CPOX: variants seen among roughly 807,000 people sequenced by gnomAD.
The protein encoded by CPOX is oxygen-dependent coproporphyrinogen-III oxidase, mitochondrial.
Under a neutral mutation model 48.9 loss-of-function variants are expected in CPOX, and 24 were observed. That is an observed-to-expected ratio of 0.49 (90% CI 0.36 to 0.69). The LOEUF (loss-of-function observed/expected upper bound fraction) is 0.69. CPOX is among the 30% of genes least tolerant of loss of function. The pLI, the probability that CPOX is intolerant of heterozygous loss-of-function variation, is 0.00. For synonymous variants in CPOX, 249 were observed against 234.6 expected (o/e 1.06, Z -0.56); for missense variants, 549 against 597.3 (o/e 0.92, Z 0.84).
intron 4 of CPOX, chr3:98,585,965 C>T (rs1215619028): frequency 2.0e-5 from 7 of 350,484 alleles, no homozygotes; most frequent in Admixed American, 7.7e-5. Context: ...CTCCGCCTCC[C>T]GGGTTCACGC....
downstream of CPOX, chr3:98,579,306 A>G (rs866149655): frequency 3.5e-5 from 6 of 169,692 alleles, no homozygotes; most frequent in African/African-American, 1.4e-4. Context: ...GGGAGAGTCA[A>G]AAGTTATACA....
intron 2 of CPOX, 111 bp downstream of exon 2, chr3:98,590,901 T>C (rs1041002567): frequency 6.6e-6 from 9 of 1,363,122 alleles, no homozygotes; most frequent in South Asian, 1.2e-5. Context: ...ACGTGCGGCA[T>C]ATGAACCCGA....
chr3:98,591,258 A>G, intron 1 of CPOX, 103 bp from the exon 2 acceptor site: 2 of 1,193,786 alleles, frequency 1.7e-6, no homozygotes, highest in Non-Finnish European at 2.5e-6. Context: ...CAAATCTTTT[A>G]TATCAGTGTA....
Position 98,593,341 on chromosome 3 carries a change from C to T in CPOX, c.164G>A (p.Gly55Asp). The T allele has an allele frequency of 2.2e-6, 3 of 1,351,356 alleles. No individual in the cohort carries two copies. Among genetic ancestry groups the T allele is most frequent in the South Asian group, 2.0e-5 (1 of 49,826 alleles). 83.7% of individuals were successfully genotyped at this position (1,351,356 alleles called of 1,614,324 possible). A position where few individuals can be genotyped will look rare whatever the true frequency, so the allele number is the denominator to read the frequency against. Residue 55 changes from glycine to aspartate, a missense_variant, in exon 1 of 7, where the codon GGC becomes GAC. Gly to Asp is a moderately conservative substitution (Grantham distance 94). Around this residue, in one of 2 missense-constraint regions of CPOX, gnomAD observed 336 missense variants for 318.1 expected, o/e 1.06. Transcript: ENST00000647941. ...CCCCAGCCCGCGGCTCTGCTCCGTG[C>T]CAGCCGGGCCAGGGGGCCGGCAGAC... ...GRVCRPPGPA[G>D]TEQSRGLGHG...
At position 98,583,167 on chromosome 3, in the gene CPOX, T is replaced by C. The variant is rs74598065; in HGVS notation, c.1173-1656A>G. ...ATTTTCTGTTGGATCCTTTCCTTTA[T>C]TGCGTGAAGGATGCCCCTTTCTCTA... On this transcript the variant is annotated intron_variant, in intron 5 of 6. Transcript: ENST00000647941. Among the ~76,000 whole-genome samples the C allele has an allele frequency of 4.2e-4, 64 of 152,350 alleles. 2 individuals carry two copies. The East Asian group carries it at 0.011, about 27-fold the overall frequency.
chr3:98,591,267 T>C, intron 1 of CPOX, 112 bp from the exon 2 acceptor site: 1 of 1,133,848 alleles, frequency 8.8e-7, no homozygotes, highest in Admixed American at 1.8e-5. Context: ...TATATCAGTG[T>C]ATTTATCATT....
At chr3:98,583,820 G>T (rs1191455483) in intron 5 of CPOX, among the ~76,000 whole-genome samples, 1 of 152,164 alleles carries the variant, frequency 6.6e-6, no homozygotes, top group Non-Finnish European at 1.5e-5. Context: ...TGCAGTATTA[G>T]AAACCAAAGA....
intron 4 of CPOX, 140 bp from the exon 5 acceptor site, chr3:98,585,799 G>T (rs1707351179): frequency 1.4e-6 from 1 of 740,038 alleles, no homozygotes; most frequent in Non-Finnish European, 2.5e-6. Flanking sequence ...CTATGAAAAT[G>T]AAATGAGGAC....
At chr3:98,572,175 A>G in the CPOX span, among the ~76,000 whole-genome samples, 1 of 152,218 alleles carries the variant, frequency 6.6e-6, no homozygotes, top group East Asian at 1.9e-4. Flanking sequence ...ACAAGTGTGC[A>G]TCAGTCTAGC....
chr3:98,571,637 G>A, the CPOX span, among the ~76,000 whole-genome samples: 4 of 144,566 alleles, frequency 2.8e-5, no homozygotes, highest in Non-Finnish European at 6.0e-5. Context: ...GCAGTGAGCC[G>A]AGATCCCGCC....
At chr3:98,579,080 C>T (rs576185998), downstream of CPOX, among the ~76,000 whole-genome samples, 6 of 152,304 alleles carry the variant, frequency 3.9e-5, no homozygotes, top group South Asian at 6.2e-4. Context: ...TAAGCCTACC[C>T]AACATGAAAA....
chr3:98,593,162 T>A lies in CPOX; in HGVS notation c.343A>T (p.Arg115Trp), dbSNP rs1216604246. ...TSGTRATSLG[R>W]PEEEEDELAH... ...AGCTCATCCTCCTCCTCCTCCGGCC[T>A]CCCCAGCGAAGTGGCCCGCGTCCCC... The change falls in exon 1 of 7, where the codon AGG becomes TGG. Residue 115 changes from arginine (R) to tryptophan (W), a missense_variant. This residue lies in a region of CPOX where 336 missense variants were observed against 318.1 expected (regional missense o/e 1.06). Coordinates refer to ENST00000647941, the MANE Select transcript of CPOX (RefSeq NM_000097.7). 2 of 1,611,112 alleles carry A rather than the reference T, an allele frequency of 1.2e-6. No homozygotes were observed. The highest frequency in any genetic ancestry group is 1.7e-5 in the Admixed American group (1 of 59,920).
intron 5 of CPOX, 85 bp from the exon 6 acceptor site, chr3:98,581,596 G>C: frequency 1.8e-6 from 2 of 1,109,380 alleles, no homozygotes; most frequent in Non-Finnish European, 2.7e-6. Flanking sequence ...AAAAGGGGTG[G>C]GTTCTTCCCC....
chr3:98,591,178 G>T, intron 1 of CPOX, 23 bp from the exon 2 acceptor site: 1 of 1,614,026 alleles, frequency 6.2e-7, no homozygotes, highest in Non-Finnish European at 8.5e-7. Flanking sequence ...ATGTAAAAAA[G>T]GAGAGAATGT....
chr3:98,591,550 ATT>A (rs1379567830), intron 1 of CPOX, among the ~76,000 whole-genome samples: 2 of 152,220 alleles, frequency 1.3e-5, no homozygotes, highest in African/African-American at 4.8e-5. Context: ...AGAGATCTAT[ATT>A]GTTTCAAAAA....
In CPOX at chr3:98,585,423, C is replaced by T. The variant is rs778350493; in HGVS notation, c.1172+18G>A. Reference sequence around the variant, plus strand: ...TCCCCCACTTAGCCATGAAAGAATTCGTTTTCCAGTCACTTACCGTCCTCT... The same window carrying T: ...TCCCCCACTTAGCCATGAAAGAATTTGTTTTCCAGTCACTTACCGTCCTCT... On this transcript the variant is annotated intron_variant, in intron 5 of 6. Coordinates refer to ENST00000647941, the MANE Select transcript of CPOX (RefSeq NM_000097.7). 6.2e-7 allele frequency: 1 copy of T among 1,607,090 alleles called. No homozygotes were observed. The highest frequency in any genetic ancestry group is 1.1e-5 in the South Asian group (1 of 90,780).
At chr3:98,574,724 G>A (rs150466898), downstream of CPOX, among the ~76,000 whole-genome samples, 146 of 152,156 alleles carry the variant, frequency 9.6e-4, 2 homozygotes, top group East Asian at 0.024. Context: ...GATTACAGGC[G>A]CCCATCACCA....
chr3:98,585,526 G>A lies in CPOX; in HGVS notation c.1087C>T (p.Pro363Ser). 6.2e-7 allele frequency: 1 copy of A among 1,614,072 alleles called. No homozygotes were observed. The highest frequency in any genetic ancestry group is 1.1e-5 in the South Asian group (1 of 91,074). The change falls in exon 5 of 7, where the codon CCT becomes TCT. Residue 363 changes from proline (P) to serine (S), a missense_variant. By Grantham distance (74) the Pro-to-Ser change is moderately conservative. This residue lies in a region of CPOX where 213 missense variants were observed against 279.1 expected (regional missense o/e 0.76). Coordinates refer to ENST00000647941, the MANE Select transcript of CPOX (RefSeq NM_000097.7). ...TTTTTCACAAGGGGAATGTAAGAAG[G>A]AACTACAGCCCTGGCACAGCTCTGT... ...FVQSCARAVVPSYIPLVKKHC... is the reference protein window; with the variant it reads ...FVQSCARAVVSSYIPLVKKHC...
rs1707521653 is a variant in CPOX, at chr3:98,593,308, G to T, written c.197C>A (p.Ser66Ter). Reference sequence around the variant, plus strand: ...CACCCAGGGGCCGCCTCTCGACGTCGAGCCGTGCCCCAGCCCGCGGCTCTG... The same window carrying T: ...CACCCAGGGGCCGCCTCTCGACGTCTAGCCGTGCCCCAGCCCGCGGCTCTG... ...TEQSRGLGHG[S>*]TSRGGPWVGT... The change falls in exon 1 of 7, where the codon TCG becomes TAG. Residue 66 changes from serine to a stop codon, truncating the protein, a stop_gained. Transcript: ENST00000647941. LOFTEE classifies it high-confidence loss of function. 1 of 1,439,032 alleles carries T rather than the reference G, an allele frequency of 6.9e-7. No individual in the cohort carries two copies. Among genetic ancestry groups the T allele is most frequent in the East Asian group, 2.5e-5 (1 of 39,390 alleles). 89.1% of individuals were successfully genotyped at this position (1,439,032 alleles called of 1,614,324 possible).
Sources: allele counts gnomAD v4.1 joint callset (sites outside exome capture counted in the v4.1 genomes callset), GRCh38; gene constraint gnomAD v4.1.1; regional missense constraint gnomAD v4.1.1; transcripts MANE v1.5; gene names NCBI Gene and HGNC (gene_info 2026-07-23, HGNC 2026-07-21).